TMEM185A: variants seen among roughly 807,000 people sequenced by gnomAD.
TMEM185A encodes the protein transmembrane protein 185A, also known as family with sequence similarity 11, member A.
In TMEM185A, 9 loss-of-function variants were observed where a neutral mutation model predicts 25.0. The observed-to-expected ratio is 0.36, with a 90% CI of 0.22 to 0.63. The LOEUF (loss-of-function observed/expected upper bound fraction) is 0.63. TMEM185A is among the 20% of genes least tolerant of loss of function. The probability of loss-of-function intolerance (pLI) is 0.68; values close to 1 mark genes in which losing one functional copy is unlikely to be tolerated. For missense variants in TMEM185A, 103 were observed against 237.4 expected (o/e 0.43, Z 3.72); for synonymous variants, 45 against 93.5 (o/e 0.48, Z 2.99).
chrX:149,603,110 T>G (rs1557352691), intron 4 of TMEM185A, among the ~76,000 whole-genome samples: 3 of 111,790 alleles, frequency 2.7e-5, no homozygotes. Flanking sequence ...CTTTTTTCCA[T>G]GCATTTAATA....
At chrX:149,617,952 T>C (rs781981158) in intron 1 of TMEM185A, among the ~76,000 whole-genome samples, 63 of 112,045 alleles carry the variant, frequency 5.6e-4, no homozygotes, top group African/African-American at 2.0e-3. Flanking sequence ...TGCTACTTAT[T>C]TGACATTCTG....
chrX:149,609,915 T>C (rs376926298), intron 2 of TMEM185A, among the ~76,000 whole-genome samples: 1 of 111,978 alleles, frequency 8.9e-6, no homozygotes, highest in African/African-American at 3.3e-5. Flanking sequence ...AAGCAATTAA[T>C]ATTAGATATC....
intron 4 of TMEM185A, chrX:149,601,392 C>CA (rs1306404540): frequency 2.0e-5 from 2 of 98,495 alleles, no homozygotes; most frequent in Admixed American, 2.0e-4. Flanking sequence ...TGTCACCCTG[C>CA]AAAACTCTCC....
intron 6 of TMEM185A, among the ~76,000 whole-genome samples, chrX:149,598,627 G>A (rs1361864449): frequency 4.1e-5 from 1 of 24,516 alleles, no homozygotes; most frequent in Non-Finnish European, 5.5e-5. Flanking sequence ...TACTGCTCCA[G>A]TGAGTCTCAA....
At chrX:149,631,072 G>A (rs782320800) in intron 1 of TMEM185A, among the ~76,000 whole-genome samples, 1 of 110,748 alleles carries the variant, frequency 9.0e-6, no homozygotes, top group Non-Finnish European at 1.9e-5. Flanking sequence ...GCAAACAAGA[G>A]AGGGATGGGC....
intron 1 of TMEM185A, among the ~76,000 whole-genome samples, chrX:149,627,097 G>A (rs150146297): frequency 1.0e-3 from 115 of 111,418 alleles, no homozygotes; most frequent in African/African-American, 3.5e-3. Context: ...TACGGGTGTC[G>A]GGCTGGGGGG....
chrX:149,612,737 C>A (rs1482141464), intron 1 of TMEM185A, among the ~76,000 whole-genome samples: 1 of 111,948 alleles, frequency 8.9e-6, no homozygotes, highest in African/African-American at 3.3e-5. Context: ...TATCAGGGGA[C>A]TCTGGCAGAA....
At position 149,608,790 on chromosome X, in the gene TMEM185A, G is replaced by A. The variant is rs782381189; in HGVS notation, c.260C>T (p.Ala87Val). The A allele has an allele frequency of 2.5e-6, 3 of 1,211,526 alleles. No homozygotes were observed. The highest frequency in any genetic ancestry group is 3.4e-6 in the Non-Finnish European group (3 of 895,401). ...TCVEFKAMLI[A>V]VGIHLLLLMF... is the part of the protein sequence containing the mutation. The stretch of plus-strand genomic sequence containing the variant: ...CAACAAGAGCAAGTGGATGCCCACT[G>A]CAATCAACATGGCTTTAAACTCCAC... The change falls in exon 3 of 7, where the codon GCA becomes GTA. Residue 87 changes from alanine to valine, a missense_variant. Ala to Val is a moderately conservative substitution (Grantham distance 64). Coordinates refer to ENST00000600449, the MANE Select transcript of TMEM185A (RefSeq NM_032508.4).
intron 1 of TMEM185A, among the ~76,000 whole-genome samples, chrX:149,627,506 C>T (rs782354469): frequency 1.8e-5 from 2 of 112,229 alleles, no homozygotes; most frequent in Non-Finnish European, 3.8e-5. Context: ...CTCTCTTCCT[C>T]ACAAGGTACC....
chrX:149,615,463 T>C (rs1048663553), intron 1 of TMEM185A, among the ~76,000 whole-genome samples: 2 of 111,318 alleles, frequency 1.8e-5, no homozygotes, highest in African/African-American at 3.3e-5. Context: ...AACAATAAGA[T>C]GATAAAAAGA....
chrX:149,615,829 T>C (rs2090107611), intron 1 of TMEM185A, among the ~76,000 whole-genome samples: 1 of 112,334 alleles, frequency 8.9e-6, no homozygotes, highest in Non-Finnish European at 1.9e-5. Context: ...AAAACCTATA[T>C]ACTGAAACCT....
intron 1 of TMEM185A, among the ~76,000 whole-genome samples, chrX:149,619,427 T>C (rs1362444803): frequency 9.0e-6 from 1 of 111,528 alleles, no homozygotes; most frequent in Non-Finnish European, 1.9e-5. Flanking sequence ...CTTGAAGTTT[T>C]GCTTCCTGCA....
chrX:149,620,239 A>G (rs1459534826), intron 1 of TMEM185A, among the ~76,000 whole-genome samples: 1 of 112,155 alleles, frequency 8.9e-6, no homozygotes, highest in East Asian at 2.8e-4. Flanking sequence ...GCCAAACACC[A>G]TAACACAAAT....
intron 6 of TMEM185A, 122 bp downstream of exon 6, chrX:149,599,432 C>T (rs1313817695): frequency 1.8e-6 from 1 of 548,305 alleles, no homozygotes; most frequent in Non-Finnish European, 3.0e-6. Flanking sequence ...CACTTTCCCA[C>T]ACAAGCTTCT....
At chrX:149,617,071 G>GA (rs1481264909) in intron 1 of TMEM185A, among the ~76,000 whole-genome samples, 1 of 112,110 alleles carries the variant, frequency 8.9e-6, no homozygotes, top group Non-Finnish European at 1.9e-5. Context: ...GATAAATGAG[G>GA]AAAGTACACC....
At chrX:149,624,241 T>C (rs1449278957) in intron 1 of TMEM185A, among the ~76,000 whole-genome samples, 1 of 112,423 alleles carries the variant, frequency 8.9e-6, no homozygotes, top group African/African-American at 3.2e-5. Flanking sequence ...GATGAATCAC[T>C]AAGTAGTGCT....
chrX:149,607,305 C>T (rs1444021412), intron 3 of TMEM185A, among the ~76,000 whole-genome samples: 2 of 112,309 alleles, frequency 1.8e-5, no homozygotes, highest in Non-Finnish European at 3.8e-5. Flanking sequence ...GGCTCAAAAC[C>T]AGGCATCTAC....
chrX:149,601,876 G>A (rs1218295172), intron 4 of TMEM185A: 2 of 60,927 alleles, frequency 3.3e-5, no homozygotes, highest in African/African-American at 8.7e-5. Flanking sequence ...TACAGTGCCC[G>A]TACCACCTGC....
intron 1 of TMEM185A, among the ~76,000 whole-genome samples, chrX:149,621,277 C>T (rs1172441564): frequency 1.8e-5 from 2 of 109,992 alleles, no homozygotes; most frequent in Admixed American, 9.7e-5. Context: ...AAAACAGTTT[C>T]CTTATTTAAT....
Sources: allele counts gnomAD v4.1 joint callset (sites outside exome capture counted in the v4.1 genomes callset), GRCh38; gene constraint gnomAD v4.1.1; transcripts MANE v1.5; gene names NCBI Gene and HGNC (gene_info 2026-07-23, HGNC 2026-07-21).